USP34: variants seen among roughly 807,000 people sequenced by gnomAD.
USP34 encodes the protein ubiquitin carboxyl-terminal hydrolase 34.
Under a neutral mutation model 460.3 loss-of-function variants are expected in USP34, and 70 were observed. That is an observed-to-expected ratio of 0.15 (90% confidence interval 0.13 to 0.19). The LOEUF is 0.19. Ranked by LOEUF, USP34 falls within the 10% of genes least tolerant of loss-of-function variation. The pLI is 1.00. For synonymous variants in USP34, 1,647 were observed against 1,405.3 expected (o/e 1.17, Z -3.85); for missense variants, 3,985 against 4,236.2 (o/e 0.94, Z 1.65).
intron 2 of USP34, among the ~76,000 whole-genome samples, chr2:61,417,882 C>CTGGT (rs2103965862): frequency 1.3e-5 from 2 of 149,616 alleles, no homozygotes; most frequent in East Asian, 2.0e-4. Context: ...GCTGGGGTTA[C>CTGGT]ACATGAGCAC....
At position 61,211,809 on chromosome 2, in the gene USP34, A is replaced by C; in HGVS notation, c.8803T>G (p.Cys2935Gly). ...KKTTISCYLRCLDGRSCWTTL... is the reference protein window; with the variant it reads ...KKTTISCYLRGLDGRSCWTTL... ...GTCCAGCAGGAGCGGCCATCTAAGC[A>C]ACGTAAGTAACAACTTATGGTTGTT... The change falls in exon 69 of 80, where the codon TGC (cysteine) becomes GGC (glycine). Residue 2935 changes from cysteine to glycine, a missense_variant. Cys to Gly is a radical substitution (Grantham distance 159). Transcript: ENST00000398571. 6.3e-7 allele frequency: 1 copy of C among 1,595,652 alleles called. No homozygotes were observed. The highest frequency in any genetic ancestry group is 8.5e-7 in the Non-Finnish European group (1 of 1,174,430).
At chr2:61,194,059 T>C (rs1274632494) in intron 75 of USP34, 21 of 959,858 alleles carry the variant, frequency 2.2e-5, no homozygotes, top group Non-Finnish European at 2.6e-5. Flanking sequence ...GCCATGGTTA[T>C]ACAAAAACAG....
chr2:61,442,718 A>C (rs1421871393), intron 1 of USP34, among the ~76,000 whole-genome samples: 1 of 152,200 alleles, frequency 6.6e-6, no homozygotes, highest in African/African-American at 2.4e-5. Flanking sequence ...AAAAAACTAC[A>C]AACACGACTA....
chr2:61,442,996 G>A (rs938156032), intron 1 of USP34, among the ~76,000 whole-genome samples: 2 of 151,542 alleles, frequency 1.3e-5, no homozygotes, highest in Non-Finnish European at 2.9e-5. Context: ...AACATACATG[G>A]AACTGGAGGA....
chr2:61,276,525 C>A (rs1689377362), intron 41 of USP34, among the ~76,000 whole-genome samples: 1 of 152,190 alleles, frequency 6.6e-6, no homozygotes, highest in East Asian at 1.9e-4. Flanking sequence ...CCTGGAAGGC[C>A]ATCACCATAG....
In USP34 at chr2:61,399,765, C is replaced by T. The variant is rs1051588928; in HGVS notation, c.553-4532G>A. Among the ~76,000 whole-genome samples the T allele has an allele frequency of 2.0e-5, 3 of 149,754 alleles. No homozygotes were observed. In the Admixed American group the frequency reaches 2.0e-4, roughly 10 times the overall value. The stretch of plus-strand genomic sequence containing the variant: ...GCGGGCGCCTGTAATCCCAACTACT[C>T]GGGACGCTGAGGCCGGTGAATCGCT... On this transcript the variant is annotated intron_variant, in intron 3 of 79. Coordinates refer to ENST00000398571, the MANE Select transcript of USP34 (RefSeq NM_014709.4).
intron 78 of USP34, 161 bp from the exon 79 acceptor site, chr2:61,189,230 T>G (rs1460597935): frequency 1.2e-5 from 9 of 740,204 alleles, no homozygotes; most frequent in Non-Finnish European, 1.7e-5. Context: ...AGAAAGCCAG[T>G]GTTAAGATAC....
chr2:61,394,096 G>A (rs1693440453), intron 5 of USP34, among the ~76,000 whole-genome samples: 4 of 152,058 alleles, frequency 2.6e-5, no homozygotes, highest in Admixed American at 1.3e-4. Context: ...ACTCCAGCCT[G>A]GGGAACAAAG....
intron 41 of USP34, 21 bp from the exon 42 acceptor site, chr2:61,266,188 T>A: frequency 1.3e-6 from 2 of 1,595,320 alleles, no homozygotes; most frequent in South Asian, 2.2e-5. Flanking sequence ...AAAGGAAACA[T>A]GTTATCTAAA....
At chr2:61,311,498 AAG>A (rs762393765) in intron 27 of USP34, 40 bp downstream of exon 27, 3 of 525,188 alleles carry the variant, frequency 5.7e-6, no homozygotes, top group South Asian at 3.2e-5. Context: ...AAAAGAAAGA[AAG>A]AGAGAAAGAG....
intron 21 of USP34, among the ~76,000 whole-genome samples, chr2:61,323,514 C>CA (rs10713213): frequency 0.17 from 16,849 of 101,196 alleles, 1,448 homozygotes; most frequent in South Asian, 0.32. Context: ...GACTCCGCCT[C>CA]AAAAAAAAAA....
chr2:61,403,573 G>C (rs141394165), intron 3 of USP34, among the ~76,000 whole-genome samples: 4 of 152,250 alleles, frequency 2.6e-5, no homozygotes, highest in African/African-American at 9.6e-5. Context: ...TATCATGTAA[G>C]AGATTATTTA....
chr2:61,224,394 G>C (rs1687671642), intron 62 of USP34, among the ~76,000 whole-genome samples: 1 of 152,136 alleles, frequency 6.6e-6, no homozygotes, highest in Non-Finnish European at 1.5e-5. Context: ...TGAGATCTAG[G>C]TTTGACTTTT....
In USP34 at chr2:61,348,185, T is replaced by G. The variant is rs200693783; in HGVS notation, c.1970A>C (p.Asp657Ala). Reference sequence around the variant, plus strand: ...ATTTCTTTCTGACATGCCTTGGGAGTCCCCCAGGCAAATGCCTGCTTGACT... The same window carrying G: ...ATTTCTTTCTGACATGCCTTGGGAGGCCCCCAGGCAAATGCCTGCTTGACT... ...LESQAGICLG[D>A]SQGMSERNGT... Residue 657 changes from aspartate to alanine, a missense_variant, in exon 15 of 80, where the codon GAC becomes GCC. Asp to Ala is a moderately radical substitution (Grantham distance 126). Coordinates refer to ENST00000398571, the MANE Select transcript of USP34 (RefSeq NM_014709.4). 10 of 1,613,996 alleles carry G rather than the reference T, an allele frequency of 6.2e-6. No homozygotes were observed. Among genetic ancestry groups the G allele is most frequent in the Non-Finnish European group, 7.6e-6 (9 of 1,179,990 alleles).
chr2:61,389,246 TTC>T (rs75074590), intron 5 of USP34, among the ~76,000 whole-genome samples: 9,237 of 152,288 alleles, frequency 0.061, 519 homozygotes, highest in South Asian at 0.25. Flanking sequence ...GTTGACAATG[TTC>T]TGTTTCTTGG....
chr2:61,457,915 A>C (rs910030442), intron 1 of USP34, among the ~76,000 whole-genome samples: 1 of 152,192 alleles, frequency 6.6e-6, no homozygotes, highest in African/African-American at 2.4e-5. Flanking sequence ...GCAAGACATC[A>C]CAAAAGCAAG....
In USP34 at chr2:61,311,938, A is replaced by C. The variant is rs118061915; in HGVS notation, c.3543-28T>G. The C allele has an allele frequency of 1.7e-3, 2,766 of 1,606,366 alleles. 42 individuals are homozygous for C. In the East Asian group the frequency reaches 0.034, roughly 20 times the overall value. Reference sequence around the variant, plus strand: ...AAAACATGACACAAACAACACATAGAAAGGATACCATTTTAAACCATTTTA... The same window carrying C: ...AAAACATGACACAAACAACACATAGCAAGGATACCATTTTAAACCATTTTA... On this transcript the variant is annotated intron_variant, in intron 25 of 79. Transcript: ENST00000398571.
In USP34 at chr2:61,243,284, C is replaced by A. The variant is rs368832940; in HGVS notation, c.6628-1465G>T. On this transcript the variant is annotated intron_variant, in intron 51 of 79. Transcript: ENST00000398571. ...GTCTCAGCCTCCTGAGTAGCTGGGA[C>A]TACAGGCACCCGCCACCACGCCCGG... Among the ~76,000 whole-genome samples the A allele has an allele frequency of 1.3e-3, 204 of 152,070 alleles. 1 individual carries two copies. The highest frequency in any genetic ancestry group is 4.4e-3 in the African/African-American group (184 of 41,512).
chr2:61,415,574 A>C (rs1362853895), intron 2 of USP34, among the ~76,000 whole-genome samples: 1 of 152,232 alleles, frequency 6.6e-6, no homozygotes, highest in Non-Finnish European at 1.5e-5. Context: ...ACAGCAATAT[A>C]AGAAGAGTGT....
Sources: gnomAD v4.1 joint callset for allele counts (sites outside exome capture counted in the v4.1 genomes callset) on GRCh38, gnomAD v4.1.1 for gene constraint, MANE v1.5 for transcripts, NCBI Gene and HGNC (gene_info 2026-07-23, HGNC 2026-07-21) for gene names.